TBCD: variants seen among roughly 807,000 people sequenced by gnomAD.
TBCD encodes tubulin-specific chaperone D.
A neutral mutation model predicts 169.3 loss-of-function variants in TBCD; 105 were observed. That is an observed-to-expected ratio of 0.62 (90% confidence interval 0.53 to 0.73). The LOEUF (loss-of-function observed/expected upper bound fraction) is 0.73. Ranked by LOEUF, TBCD falls within the 30% of genes least tolerant of loss-of-function variation. TBCD has a pLI of 0.00. For missense variants in TBCD, 1,444 were observed against 1,600.1 expected (o/e 0.90, Z 1.66); for synonymous variants, 700 against 643.9 (o/e 1.09, Z -1.32).
At position 82,903,571 on chromosome 17, in the gene TBCD, GGTTGTGCTTCT is replaced by G; in HGVS notation, c.1804+96_1804+106del. The G allele has an allele frequency of 7.7e-7, 1 of 1,304,470 alleles. No homozygotes were observed. Among genetic ancestry groups the G allele is most frequent in the Non-Finnish European group, 1.1e-6 (1 of 935,504 alleles). 80.8% of individuals were successfully genotyped at this position (1,304,470 alleles called of 1,614,324 possible). On this transcript the variant is annotated intron_variant, in intron 19 of 38. Coordinates refer to ENST00000355528, the MANE Select transcript of TBCD (RefSeq NM_005993.5). This position sits in a 1 kb window ranked among gnomAD's most constrained non-coding sequence, Gnocchi z 4.8. ...TTCAAAGGCTGGGGGCTGAAAATAA[GGTTGTGCTTCT>G]GTCTTGGTGAGAAGCATCTGAGGAA...
intron 13 of TBCD, chr17:82,859,742 G>T: frequency 2.0e-6 from 2 of 985,462 alleles, no homozygotes; most frequent in Non-Finnish European, 2.4e-6. Context: ...TCCACAGTGG[G>T]GGCTGCTGCC....
chr17:82,930,049 C>T lies in TBCD; in HGVS notation c.2992-473C>T, dbSNP rs1325812353. 7 of 263,912 alleles carry T rather than the reference C, an allele frequency of 2.7e-5. No homozygotes were observed. Among genetic ancestry groups the T allele is most frequent in the South Asian group, 9.5e-5 (2 of 21,134 alleles). 16.3% of individuals were successfully genotyped at this position (263,912 alleles called of 1,614,324 possible). ...AAGTCCTAGAAAACACGTAACAGGA[C>T]GTGAGGTGCCCTCTGCGCCGTGTGG... On this transcript the variant is annotated intron_variant, in intron 32 of 38. Transcript: ENST00000355528. The surrounding 1 kb of genome is among the most constrained non-coding windows in gnomAD (Gnocchi z 5.2).
Position 82,789,410 on chromosome 17 carries a change from A to T in TBCD, c.771+7689A>T, listed in dbSNP as rs1433642878. Among the ~76,000 whole-genome samples, 2 of 152,236 alleles carry T rather than the reference A, an allele frequency of 1.3e-5. No homozygotes were observed. Among genetic ancestry groups the T allele is most frequent in the African/African-American group, 2.4e-5 (1 of 41,468 alleles). On this transcript the variant is annotated intron_variant, in intron 7 of 38. Coordinates refer to ENST00000355528, the MANE Select transcript of TBCD (RefSeq NM_005993.5). This position sits in a 1 kb window ranked among gnomAD's most constrained non-coding sequence, Gnocchi z 4.8. ...CTCACAGGCAGCCCGTCGCGGGGTCATGTGCTAGACGGGGAGGGGGCTTGG... is the reference window on the plus strand; with the variant it reads ...CTCACAGGCAGCCCGTCGCGGGGTCTTGTGCTAGACGGGGAGGGGGCTTGG...
At chr17:82,863,193 C>T (rs1425411846) in intron 13 of TBCD, among the ~76,000 whole-genome samples, 1 of 152,224 alleles carries the variant, frequency 6.6e-6, no homozygotes, top group Non-Finnish European at 1.5e-5. Flanking sequence ...CTGTGTCTGT[C>T]CAGGCTTAGT....
intron 9 of TBCD, among the ~76,000 whole-genome samples, chr17:82,804,068 T>G: frequency 1.5e-5 from 1 of 64,682 alleles, no homozygotes. Context: ...CACCTGCCTG[T>G]AGAGTTTAGG....
At position 82,929,041 on chromosome 17, in the gene TBCD, C is replaced by T; in HGVS notation, c.2694-72C>T. 28 of 1,548,494 alleles carry T rather than the reference C, an allele frequency of 1.8e-5. No individual in the cohort carries two copies. The South Asian group carries it at 3.2e-4, about 18-fold the overall frequency. ...TGGGCTGGAGTCACGGCTCGGACCG[C>T]CTGTGCTCAGTTTACCGCCCGCTCT... On this transcript the variant is annotated intron_variant, in intron 30 of 38. Transcript: ENST00000355528.
At chr17:82,784,898 G>A (rs932280743) in intron 7 of TBCD, among the ~76,000 whole-genome samples, 1 of 152,252 alleles carries the variant, frequency 6.6e-6, no homozygotes, top group African/African-American at 2.4e-5. Flanking sequence ...AGGGGTACGT[G>A]CTGTGACTAA....
rs2057848312 is a variant in TBCD, at chr17:82,874,755, C to T, written c.1475+4375C>T. 6.6e-6 allele frequency among the ~76,000 whole-genome samples: 1 copy of T among 152,250 alleles called. No individual in the cohort carries two copies. Among genetic ancestry groups the T allele is most frequent in the South Asian group, 2.1e-4 (1 of 4,828 alleles). ...TGGTGCGAGCCTCCCTGCCCAGGAG[C>T]CCTGCGCACCCGGGTATCGGTTGGG... On this transcript the variant is annotated intron_variant, in intron 14 of 38. Transcript: ENST00000355528. The surrounding 1 kb of genome is among the most constrained non-coding windows in gnomAD (Gnocchi z 5.0).
At chr17:82,877,628 C>T (rs549386284) in intron 14 of TBCD, among the ~76,000 whole-genome samples, 18 of 152,330 alleles carry the variant, frequency 1.2e-4, no homozygotes, top group African/African-American at 4.1e-4. Flanking sequence ...GCGTGAGCCA[C>T]TGCGCCCGGC....
intron 13 of TBCD, among the ~76,000 whole-genome samples, chr17:82,852,111 C>G (rs1044228968): frequency 1.9e-4 from 29 of 152,016 alleles, no homozygotes; most frequent in Admixed American, 1.8e-3. Flanking sequence ...ACATTTTACC[C>G]CACGCTCCTT....
At chr17:82,888,196 T>G (rs1001114183) in intron 15 of TBCD, among the ~76,000 whole-genome samples, 3 of 152,210 alleles carry the variant, frequency 2.0e-5, no homozygotes, top group African/African-American at 7.2e-5. Context: ...GGGGATGCTG[T>G]CCCGTGTTTT....
intron 18 of TBCD, among the ~76,000 whole-genome samples, chr17:82,901,761 G>T (rs1392494470): frequency 1.3e-5 from 2 of 152,222 alleles, no homozygotes; most frequent in Non-Finnish European, 2.9e-5. Flanking sequence ...CACTCGGGCT[G>T]CCGGGGGAAG....
In TBCD at chr17:82,884,375, G is replaced by A. The variant is rs3744159; in HGVS notation, c.1533+173G>A. ...AGGCCACTGGTTCTTACTGTCTCTG[G>A]GCGTCTTCAGCGTGTGAAGGGCGGT... On this transcript the variant is annotated intron_variant, in intron 15 of 38. Transcript: ENST00000355528. The surrounding 1 kb of genome is among the most constrained non-coding windows in gnomAD (Gnocchi z 4.2). 0.24 allele frequency among the ~76,000 whole-genome samples: 36,753 copies of A among 152,080 alleles called. 4,485 individuals are homozygous for A. The highest frequency in any genetic ancestry group is 0.31 in the Middle Eastern group (92 of 294).
chr17:82,846,540 A>C (rs2054164042), intron 13 of TBCD, among the ~76,000 whole-genome samples: 1 of 152,056 alleles, frequency 6.6e-6, no homozygotes, highest in South Asian at 2.1e-4. Flanking sequence ...CGGTAGTGAG[A>C]CTGGCTGAGA....
chr17:82,835,853 C>G lies in TBCD; in HGVS notation c.1318+20919C>G, dbSNP rs2053924957. Among the ~76,000 whole-genome samples, 2 of 152,208 alleles carry G rather than the reference C, an allele frequency of 1.3e-5. No homozygotes were observed. Among genetic ancestry groups the G allele is most frequent in the African/African-American group, 4.8e-5 (2 of 41,460 alleles). On this transcript the variant is annotated intron_variant, in intron 13 of 38. Coordinates refer to ENST00000355528, the MANE Select transcript of TBCD (RefSeq NM_005993.5). The surrounding 1 kb of genome is among the most constrained non-coding windows in gnomAD (Gnocchi z 4.5). ...TTGGGTAGAAAAGGGGCTCTGCTGACCTGCCACCTTCGCTGTGATGAGTTT... is the reference window on the plus strand; with the variant it reads ...TTGGGTAGAAAAGGGGCTCTGCTGAGCTGCCACCTTCGCTGTGATGAGTTT...
In TBCD at chr17:82,832,569, C is replaced by T. The variant is rs1411086725; in HGVS notation, c.1318+17635C>T. The T allele has an allele frequency of 1.1e-6, 1 of 886,074 alleles. No individual in the cohort carries two copies. Among genetic ancestry groups the T allele is most frequent in the African/African-American group, 1.6e-5 (1 of 60,758 alleles). 54.9% of individuals were successfully genotyped at this position (886,074 alleles called of 1,614,324 possible). On this transcript the variant is annotated intron_variant, in intron 13 of 38. Transcript: ENST00000355528. This position sits in a 1 kb window ranked among gnomAD's most constrained non-coding sequence, Gnocchi z 4.9. ...CCCGCTTTGCTTTCTTTCCCGATCA[C>T]TTCTATCAGAAGCCAGCTCTGCGTG...
chr17:82,770,236 T>G (rs2144071904), intron 5 of TBCD, among the ~76,000 whole-genome samples: 1 of 152,318 alleles, frequency 6.6e-6, no homozygotes, highest in Admixed American at 6.5e-5. Context: ...GGTACTCCAT[T>G]GTAATCTAAT....
In TBCD at chr17:82,941,644, T is replaced by G; in HGVS notation, c.3564+161T>G. 6.0e-6 allele frequency: 4 copies of G among 665,738 alleles called. No individual in the cohort carries two copies. The South Asian group carries it at 7.7e-5, about 13-fold the overall frequency. The allele number at this position is 665,738 out of a possible 1,614,324, so 41.2% of individuals were successfully genotyped here. ...GGATTACGGGACCAGCAGAGCTGCCTTCTCTGGCCACTGCCCACACCTGTG... is the reference window on the plus strand; with the variant it reads ...GGATTACGGGACCAGCAGAGCTGCCGTCTCTGGCCACTGCCCACACCTGTG... On this transcript the variant is annotated intron_variant, in intron 38 of 38. Transcript: ENST00000355528.
intron 13 of TBCD, among the ~76,000 whole-genome samples, chr17:82,856,764 GCGGGA>G (rs1461014245): frequency 2.0e-5 from 3 of 147,588 alleles, no homozygotes; most frequent in Non-Finnish European, 4.5e-5. Flanking sequence ...CGCATCCAGG[GCGGGA>G]TCGCTGGACC....
Sources: allele counts gnomAD v4.1 joint callset (sites outside exome capture counted in the v4.1 genomes callset), GRCh38; gene constraint gnomAD v4.1.1; non-coding constraint Gnocchi (gnomAD v3.1); transcripts MANE v1.5; gene names NCBI Gene and HGNC (gene_info 2026-07-23, HGNC 2026-07-21).